Variants in LDHC observed in about 807,000 individuals in gnomAD.
LDHC encodes lactate dehydrogenase C, also known as L-lactate dehydrogenase C chain.
Under a neutral mutation model 30.2 loss-of-function variants are expected in LDHC, and 20 were observed. That is an observed-to-expected ratio of 0.66 (90% CI 0.47 to 0.96). LDHC has a LOEUF of 0.96. Ranked by LOEUF, LDHC falls within the 40% of genes least tolerant of loss-of-function variation. The pLI is 0.00. For missense variants in LDHC, 362 were observed against 394.9 expected (o/e 0.92, Z 0.71); for synonymous variants, 139 against 132.7 (o/e 1.05, Z -0.32).
At chr11:18,428,091 C>T (rs948849813) in intron 3 of LDHC, among the ~76,000 whole-genome samples, 3 of 148,870 alleles carry the variant, frequency 2.0e-5, no homozygotes, top group African/African-American at 7.4e-5. Flanking sequence ...TAGAAAGATA[C>T]AAGAATCACC....
chr11:18,435,108 TC>T, intron 5 of LDHC, among the ~76,000 whole-genome samples, 195 bp downstream of exon 5: 1 of 152,352 alleles, frequency 6.6e-6, no homozygotes, highest in East Asian at 1.9e-4. Flanking sequence ...CATAAAATAG[TC>T]CACAAAGCAT....
intron 6 of LDHC, 68 bp downstream of exon 6, chr11:18,438,713 A>G (rs1848403303): frequency 1.2e-6 from 1 of 804,420 alleles, no homozygotes; most frequent in Admixed American, 2.1e-5. Flanking sequence ...CACGGACAAA[A>G]ATCAAGTAGT....
chr11:18,429,015 A>C (rs1848215419), intron 3 of LDHC, among the ~76,000 whole-genome samples: 1 of 152,084 alleles, frequency 6.6e-6, no homozygotes, highest in Non-Finnish European at 1.5e-5. Flanking sequence ...TTGTGATTTC[A>C]AACCCAGTCC....
intron 2 of LDHC, among the ~76,000 whole-genome samples, chr11:18,413,470 T>C (rs1866940580): frequency 6.9e-6 from 1 of 145,586 alleles, no homozygotes; most frequent in African/African-American, 2.5e-5. Context: ...TTTTTTTTTT[T>C]TTTTTTTTTT....
chr11:18,450,101 T>C (rs1848630338), intron 7 of LDHC: 1 of 150,920 alleles, frequency 6.6e-6, no homozygotes, highest in Non-Finnish European at 1.5e-5. Context: ...TTTTTGGGGG[T>C]ATATTGAGTT....
At chr11:18,415,983 C>T (rs559791730) in intron 3 of LDHC, among the ~76,000 whole-genome samples, 4 of 152,276 alleles carry the variant, frequency 2.6e-5, no homozygotes, top group East Asian at 1.9e-4. Flanking sequence ...GTGTGAGCTG[C>T]GGTGCCCAGC....
chr11:18,415,437 T>A (rs1185992994), intron 3 of LDHC, 136 bp downstream of exon 3: 2 of 527,758 alleles, frequency 3.8e-6, no homozygotes, highest in Non-Finnish European at 6.6e-6. Flanking sequence ...AGTTGATCAA[T>A]TTTTTTTGTT....
At chr11:18,417,427 C>A (rs964863136) in intron 3 of LDHC, among the ~76,000 whole-genome samples, 5 of 152,088 alleles carry the variant, frequency 3.3e-5, no homozygotes, top group Admixed American at 1.3e-4. Context: ...TTTTTGGAGA[C>A]AGTTTCACCA....
At chr11:18,436,285 C>T (rs1565054002) in intron 5 of LDHC, among the ~76,000 whole-genome samples, 1 of 151,940 alleles carries the variant, frequency 6.6e-6, no homozygotes, top group African/African-American at 2.4e-5. Context: ...TTAATTTGAA[C>T]ATGTTTAGTA....
At chr11:18,413,471 T>C (rs1866940648) in intron 2 of LDHC, among the ~76,000 whole-genome samples, 1 of 146,012 alleles carries the variant, frequency 6.8e-6, no homozygotes, top group African/African-American at 2.5e-5. Flanking sequence ...TTTTTTTTTT[T>C]TTTTTTTTTT....
intron 3 of LDHC, among the ~76,000 whole-genome samples, chr11:18,415,985 G>T (rs1044774582): frequency 6.6e-6 from 1 of 152,152 alleles, no homozygotes; most frequent in South Asian, 2.1e-4. Flanking sequence ...GTGAGCTGCG[G>T]TGCCCAGCCG....
At chr11:18,445,980 AAATAAT>A (rs1029073410) in intron 6 of LDHC, among the ~76,000 whole-genome samples, 6 of 152,126 alleles carry the variant, frequency 3.9e-5, no homozygotes, top group Non-Finnish European at 8.8e-5. Context: ...CTGTCTCAAA[AAATAAT>A]AATAATAATC....
chr11:18,428,498 T>C (rs1460670419), intron 3 of LDHC, among the ~76,000 whole-genome samples: 5 of 152,002 alleles, frequency 3.3e-5, no homozygotes, highest in Admixed American at 6.6e-5. Flanking sequence ...AAAGTCGAGA[T>C]GAGATAGATA....
chr11:18,438,057 AAAAC>A (rs1433800253), intron 5 of LDHC, among the ~76,000 whole-genome samples: 4 of 152,098 alleles, frequency 2.6e-5, no homozygotes, highest in Non-Finnish European at 5.9e-5. Flanking sequence ...AAAGAAAAAA[AAAAC>A]AAAAGAAATA....
chr11:18,412,977 CCCTCCCTCCCTTCCTT>C (rs59649776), intron 2 of LDHC, 134 bp downstream of exon 2: 40,636 of 429,016 alleles, frequency 0.095, 2,661 homozygotes, highest in African/African-American at 0.25. Flanking sequence ...CTCCCTCCCT[CCCTCCCTCCCTTCCTT>C]CCTTCCTTCC....
chr11:18,414,736 G>C (rs773880281), intron 2 of LDHC, among the ~76,000 whole-genome samples: 5 of 152,152 alleles, frequency 3.3e-5, no homozygotes, highest in African/African-American at 1.2e-4. Flanking sequence ...GCTGAAGCAC[G>C]AAAATTGCTT....
chr11:18,425,142 C>A (rs1848138982), intron 3 of LDHC, among the ~76,000 whole-genome samples: 1 of 151,918 alleles, frequency 6.6e-6, no homozygotes, highest in Non-Finnish European at 1.5e-5. Context: ...CATGCAGGGG[C>A]TTCCAAGGTG....
chr11:18,422,121 A>C (rs1318593), intron 3 of LDHC, among the ~76,000 whole-genome samples: 135,574 of 151,572 alleles, frequency 0.89, 60,725 homozygotes, highest in East Asian at 0.95. Context: ...CAAGACTGAT[A>C]CAAAAAAACA....
intron 3 of LDHC, among the ~76,000 whole-genome samples, chr11:18,428,043 C>T (rs956747449): frequency 2.6e-4 from 40 of 151,700 alleles, no homozygotes; most frequent in African/African-American, 8.2e-4. Flanking sequence ...GGAAAAACAA[C>T]AGTGTTCATA....
Sources: allele counts gnomAD v4.1 joint callset (sites outside exome capture counted in the v4.1 genomes callset), GRCh38; gene constraint gnomAD v4.1.1; transcripts MANE v1.5; gene names NCBI Gene and HGNC (gene_info 2026-07-23, HGNC 2026-07-21).